The following MME variants were observed in gnomAD, a reference collection of about 807,000 sequenced individuals.
The protein encoded by MME is membrane metalloendopeptidase, also known as neprilysin.
In MME, 98 loss-of-function variants were observed where a neutral mutation model predicts 113.2. The observed-to-expected ratio is 0.87, with a 90% CI of 0.74 to 1.02. The LOEUF (loss-of-function observed/expected upper bound fraction) is 1.02. MME is among the 50% of genes least tolerant of loss of function. The probability of loss-of-function intolerance (pLI) is 0.00; values close to 1 mark genes in which losing one functional copy is unlikely to be tolerated. For synonymous variants in MME, 292 were observed against 300.6 expected, an observed-to-expected ratio of 0.97 and a Z score of 0.30; for missense variants, 836 against 896.0, an observed-to-expected ratio of 0.93 and a Z score of 0.86.
At chr3:155,052,112 A>C (rs1713783498) in intron 1 of MME, among the ~76,000 whole-genome samples, 2 of 152,162 alleles carry the variant, frequency 1.3e-5, no homozygotes, top group Admixed American at 1.3e-4. Context: ...GGTCATGCTG[A>C]TGTAAGAGGT....
At chr3:155,034,677 G>T (rs1454828583) in intron 1 of MME, among the ~76,000 whole-genome samples, 3 of 152,034 alleles carry the variant, frequency 2.0e-5, no homozygotes, top group Non-Finnish European at 4.4e-5. Context: ...AACCCCCTAG[G>T]GTCTTAATAA....
intron 1 of MME, among the ~76,000 whole-genome samples, chr3:155,072,145 G>A (rs1171233570): frequency 3.0e-5 from 4 of 134,094 alleles, no homozygotes; most frequent in African/African-American, 1.1e-4. Context: ...TCCGGCCTGG[G>A]CGACAGAGCG....
chr3:155,048,075 A>C (rs1553750235), intron 1 of MME, among the ~76,000 whole-genome samples: 1 of 152,168 alleles, frequency 6.6e-6, no homozygotes, highest in Non-Finnish European at 1.5e-5. Context: ...TTGTGCATGG[A>C]GATCAAAGCT....
At chr3:155,032,367 C>A (rs1246795758) in intron 1 of MME, among the ~76,000 whole-genome samples, 2 of 152,176 alleles carry the variant, frequency 1.3e-5, no homozygotes, top group Non-Finnish European at 2.9e-5. Context: ...AAATTTCATA[C>A]AACAGAAAAT....
At chr3:155,059,091 TA>T (rs1714044117) in intron 1 of MME, among the ~76,000 whole-genome samples, 1 of 151,622 alleles carries the variant, frequency 6.6e-6, no homozygotes, top group East Asian at 1.9e-4. Context: ...CTGTCTTTAC[TA>T]AAAATACAAA....
chr3:155,174,050 C>G (rs1712257350), intron 22 of MME, among the ~76,000 whole-genome samples: 1 of 151,612 alleles, frequency 6.6e-6, no homozygotes, highest in African/African-American at 2.4e-5. Context: ...GAGGTATGAA[C>G]AGAATAAGAA....
chr3:155,038,398 C>G (rs150831440), intron 1 of MME, among the ~76,000 whole-genome samples: 2 of 151,252 alleles, frequency 1.3e-5, no homozygotes, highest in Non-Finnish European at 3.0e-5. Flanking sequence ...TCACTAGTGT[C>G]TAGGACCTTG....
intron 1 of MME, among the ~76,000 whole-genome samples, chr3:155,045,816 G>A (rs748533859): frequency 1.3e-5 from 2 of 151,736 alleles, no homozygotes; most frequent in African/African-American, 2.4e-5. Context: ...CTTAAGGTGG[G>A]ATATTAGGCA....
chr3:155,089,145 T>C (rs1341215059), intron 3 of MME, among the ~76,000 whole-genome samples: 1 of 152,196 alleles, frequency 6.6e-6, no homozygotes, highest in Non-Finnish European at 1.5e-5. Context: ...ACACCAGACC[T>C]AAAGTAAAAC....
intron 8 of MME, among the ~76,000 whole-genome samples, chr3:155,124,217 C>G (rs1252315580): frequency 6.6e-6 from 1 of 151,800 alleles, no homozygotes; most frequent in Non-Finnish European, 1.5e-5. Context: ...GCATCAGCTC[C>G]TGAGGCTTCT....
At chr3:155,136,181 T>C (rs1720619922) in intron 8 of MME, among the ~76,000 whole-genome samples, 1 of 152,184 alleles carries the variant, frequency 6.6e-6, no homozygotes, top group Admixed American at 6.6e-5. Context: ...AGTACTGTGC[T>C]GAATAGGAGT....
intron 1 of MME, among the ~76,000 whole-genome samples, chr3:155,059,770 T>G (rs1322350570): frequency 6.6e-6 from 1 of 152,172 alleles, no homozygotes; most frequent in Non-Finnish European, 1.5e-5. Context: ...AGATTAATAG[T>G]ATAAGAACTA....
At chr3:155,063,665 AT>A (rs1293224810) in intron 1 of MME, among the ~76,000 whole-genome samples, 2 of 112,910 alleles carry the variant, frequency 1.8e-5, no homozygotes, top group Non-Finnish European at 3.4e-5. Flanking sequence ...TATATAACAT[AT>A]TATATATTAT....
intron 8 of MME, among the ~76,000 whole-genome samples, chr3:155,133,041 A>T (rs1359242316): frequency 2.6e-4 from 22 of 83,358 alleles, no homozygotes; most frequent in African/African-American, 1.1e-3. Context: ...ACCCCGTCTA[A>T]AAAAAAAAAA....
At chr3:155,134,612 A>T (rs9876965) in intron 8 of MME, among the ~76,000 whole-genome samples, 135,010 of 152,226 alleles carry the variant, frequency 0.89, 60,002 homozygotes, top group South Asian at 0.95. Context: ...TGAGTGCATA[A>T]GTCTTTGGTA....
chr3:155,036,501 C>T (rs1333887686), intron 1 of MME, among the ~76,000 whole-genome samples: 2 of 152,114 alleles, frequency 1.3e-5, no homozygotes, highest in Non-Finnish European at 2.9e-5. Context: ...TCTCTTCTAG[C>T]ATTTCATATA....
chr3:155,103,981 C>T (rs1199024091), intron 3 of MME, among the ~76,000 whole-genome samples: 2 of 152,196 alleles, frequency 1.3e-5, no homozygotes, highest in Non-Finnish European at 2.9e-5. Context: ...AGGAGCTTTA[C>T]TTGTCAACTG....
intron 3 of MME, among the ~76,000 whole-genome samples, chr3:155,107,680 C>T (rs1717805144): frequency 3.3e-5 from 5 of 152,132 alleles, no homozygotes; most frequent in Admixed American, 3.3e-4. Flanking sequence ...ATTTATTACC[C>T]CCAAATCACT....
Position 155,161,727 on chromosome 3 carries a change from G to T in MME, c.1660+1279G>T, listed in dbSNP as rs114737889. ...TTATATAAAGTAACCAGAAAAGACT[G>T]TTTTGTATAACATATAAATAATAAG... On this transcript the variant is annotated intron_variant, in intron 17 of 22. Transcript: ENST00000360490. 2.9e-3 allele frequency among the ~76,000 whole-genome samples: 448 copies of T among 152,188 alleles called. 3 individuals are homozygous for T. Among genetic ancestry groups the T allele is most frequent in the African/African-American group, 0.01 (430 of 41,552 alleles).
Sources: gnomAD v4.1 joint callset for allele counts (sites outside exome capture counted in the v4.1 genomes callset) on GRCh38, gnomAD v4.1.1 for gene constraint, MANE v1.5 for transcripts, NCBI Gene and HGNC (gene_info 2026-07-23, HGNC 2026-07-21) for gene names.